The following DHX38 variants were observed in gnomAD, a reference collection of about 807,000 sequenced individuals.
The protein encoded by DHX38 is pre-mRNA-splicing factor ATP-dependent RNA helicase PRP16.
A neutral mutation model predicts 153.1 loss-of-function variants in DHX38; 100 were observed. The ratio of observed to expected loss-of-function variants is 0.65; its 90% CI spans 0.56 to 0.77. The LOEUF is 0.77. Among genes scored for constraint, DHX38 ranks in the 30% least tolerant of loss-of-function variants. The pLI is 0.00. For missense variants in DHX38, 1,440 were observed against 1,654.0 expected (o/e 0.87, Z 2.24); for synonymous variants, 650 against 631.7 (o/e 1.03, Z -0.43).
chr16:72,105,425 A>G (rs2042161450), intron 17 of DHX38, 77 bp downstream of exon 17: 1 of 1,596,820 alleles, frequency 6.3e-7, no homozygotes. Flanking sequence ...CTGTCCTGGC[A>G]GGGGGTGGGC....
chr16:72,106,022 T>C lies in DHX38; in HGVS notation c.2505T>C (p.Ile835=). The change falls in exon 19 of 27, where the codon ATT becomes ATC. Residue 835 remains isoleucine, a synonymous_variant. Transcript: ENST00000268482. ...CCTCCTAGGTCTTCAACCCCAGGAT[T>C]GGCATGGATGCTCTGCAGATCTATC... is the stretch of plus-strand genomic sequence containing the variant. ...YCKLKVFNPR[I]GMDALQIYPI... The C allele has an allele frequency of 6.2e-7, 1 of 1,614,170 alleles. No homozygotes were observed. Among genetic ancestry groups the C allele is most frequent in the Non-Finnish European group, 8.5e-7 (1 of 1,180,002 alleles).
At position 72,107,340 on chromosome 16, in the gene DHX38, G is replaced by T. The variant is rs1451765889; in HGVS notation, c.2601G>T (p.Arg867Ser). Residue 867 changes from arginine (R) to serine (S), a missense_variant and splice_region_variant, in exon 20 of 27, where the codon AGG (arginine) becomes AGT (serine). By Grantham distance (110) the Arg-to-Ser change is moderately radical. Around this residue, in one of 6 missense-constraint regions of DHX38, gnomAD observed 543 missense variants for 717.9 expected, o/e 0.76. Coordinates refer to ENST00000268482, the MANE Select transcript of DHX38 (RefSeq NM_014003.4). The surrounding 1 kb of genome is among the most constrained non-coding windows in gnomAD (Gnocchi z 5.3). ...AGRTGPGQCF[R>S]LYTQSAYKNE... ...GAAGATGGGGTCTTCTCCCCGGCAG[G>T]CTCTACACCCAGAGCGCCTACAAGA... The T allele has an allele frequency of 1.2e-6, 2 of 1,606,486 alleles. No individual in the cohort carries two copies. The highest frequency in any genetic ancestry group is 8.5e-7 in the Non-Finnish European group (1 of 1,179,258).
chr16:72,099,133 C>T (rs1384734782), intron 6 of DHX38, 71 bp from the exon 7 acceptor site: 2 of 1,595,410 alleles, frequency 1.3e-6, no homozygotes, highest in Non-Finnish European at 8.5e-7. Context: ...GCTGCATGGC[C>T]CTGCAGATCT....
At chr16:72,100,136 G>A (rs1389454420) in intron 8 of DHX38, among the ~76,000 whole-genome samples, 2 of 152,152 alleles carry the variant, frequency 1.3e-5, no homozygotes. Context: ...AGGTGCATTG[G>A]GACCTGCCTC....
In DHX38 at chr16:72,103,785, G is replaced by A. The variant is rs759813069; in HGVS notation, c.1821G>A (p.Glu607=). ...VSEEMGGNLG[E]EVGYAIRFED... ...AAGAGATGGGGGGAAACCTTGGCGAGGAGGTGAGTGGGCGTGGGGGCTGAG... is the reference window on the plus strand; with the variant it reads ...AAGAGATGGGGGGAAACCTTGGCGAAGAGGTGAGTGGGCGTGGGGGCTGAG... The change falls in exon 13 of 27, where the codon GAG becomes GAA. Residue 607 remains glutamate (E), a synonymous_variant. Transcript: ENST00000268482. The A allele has an allele frequency of 6.2e-7, 1 of 1,609,326 alleles. No homozygotes were observed. The highest frequency in any genetic ancestry group is 8.5e-7 in the Non-Finnish European group (1 of 1,175,870).
Position 72,104,066 on chromosome 16 carries a change from A to G in DHX38, c.1945A>G (p.Ile649Val), listed in dbSNP as rs760133863. 6.8e-6 allele frequency: 11 copies of G among 1,614,150 alleles called. No individual in the cohort carries two copies. The highest frequency in any genetic ancestry group is 4.4e-5 in the South Asian group (4 of 91,074). ...READLDHYSA[I>V]IMDEAHERSL... is the part of the protein sequence containing the mutation. ...AGCCGACCTGGATCACTACAGTGCC[A>G]TCATCATGGACGAGGCCCACGAGCG... The change falls in exon 14 of 27, where the codon ATC becomes GTC. Residue 649 changes from isoleucine (I) to valine (V), a missense_variant. By Grantham distance (29) the Ile-to-Val change is conservative (BLOSUM62 3). Transcript: ENST00000268482. The surrounding 1 kb of genome is among the most constrained non-coding windows in gnomAD (Gnocchi z 4.5).
chr16:72,108,897 T>C lies in DHX38; in HGVS notation c.3353T>C (p.Val1118Ala), dbSNP rs2042220603. The C allele has an allele frequency of 6.2e-7, 1 of 1,611,842 alleles. No individual in the cohort carries two copies. ...ATGGGCTACACCCCAGATTACATAG[T>C]GTATCACGAGTTGGTCATGACCACC... ...FGMGYTPDYI[V>A]YHELVMTTKE... Residue 1118 changes from valine to alanine, a missense_variant, in exon 24 of 27, where the codon GTG (valine) becomes GCG (alanine). Val to Ala is a moderately conservative substitution (Grantham distance 64, BLOSUM62 0). Coordinates refer to ENST00000268482, the MANE Select transcript of DHX38 (RefSeq NM_014003.4).
chr16:72,094,818 C>G (rs1228414869), intron 1 of DHX38, among the ~76,000 whole-genome samples: 1 of 152,218 alleles, frequency 6.6e-6, no homozygotes, highest in African/African-American at 2.4e-5. Flanking sequence ...CTACAGCAGT[C>G]AACAACACAT....
At chr16:72,101,362 T>TG (rs1441740408) in intron 10 of DHX38, 138 bp from the exon 11 acceptor site, 1 of 1,144,884 alleles carries the variant, frequency 8.7e-7, no homozygotes, top group Non-Finnish European at 1.2e-6. Context: ...GCTTGAGGAT[T>TG]GGAATGTGGC....
chr16:72,101,600 A>G lies in DHX38; in HGVS notation c.1487A>G (p.Lys496Arg). The change falls in exon 11 of 27, where the codon AAG (lysine) becomes AGG (arginine). Residue 496 changes from lysine (K) to arginine (R), a missense_variant. By Grantham distance (26) the Lys-to-Arg change is conservative (BLOSUM62 2). Around this residue, in one of 6 missense-constraint regions of DHX38, gnomAD observed 241 missense variants for 229.5 expected, o/e 1.05. Transcript: ENST00000268482. ...EPDKAVTEDG[K>R]VDYRTEQKFA... Reference sequence around the variant, plus strand: ...GATAAAGCTGTGACGGAGGATGGGAAGGTGGACTACAGGTGGGCAGCCTCA... The same window carrying G: ...GATAAAGCTGTGACGGAGGATGGGAGGGTGGACTACAGGTGGGCAGCCTCA... 1 of 1,551,698 alleles carries G rather than the reference A, an allele frequency of 6.4e-7. No individual in the cohort carries two copies. The highest frequency in any genetic ancestry group is 8.7e-7 in the Non-Finnish European group (1 of 1,147,020).
At chr16:72,109,572 T>C (rs2042231464) in intron 25 of DHX38, 62 bp downstream of exon 25, 2 of 1,503,378 alleles carry the variant, frequency 1.3e-6, no homozygotes, top group Middle Eastern at 1.7e-4. Context: ...TTCCCTCCGC[T>C]TGGTATTGAA....
At position 72,109,444 on chromosome 16, in the gene DHX38, C is replaced by T. The variant is rs777025894; in HGVS notation, c.3411C>T (p.Asp1137=). The change falls in exon 25 of 27, where the codon GAC becomes GAT. Residue 1137 remains aspartate (D), a synonymous_variant. Coordinates refer to ENST00000268482, the MANE Select transcript of DHX38 (RefSeq NM_014003.4). ...KEYMQCVTAV[D]GEWLAELGPM... is the part of the protein sequence containing the mutation. ...ATATGCAGTGTGTGACCGCTGTGGA[C>T]GGGGAGTGGCTGGCGGAGCTGGGCC... is the stretch of plus-strand genomic sequence containing the variant. 5.0e-5 allele frequency: 80 copies of T among 1,613,158 alleles called. No individual in the cohort carries two copies. Among genetic ancestry groups the T allele is most frequent in the South Asian group, 1.2e-4 (11 of 90,984 alleles).
rs2042019024 is a variant in DHX38 at position 72,096,398 on chromosome 16, G to A, written c.241G>A (p.Asp81Asn). Residue 81 changes from aspartate (D) to asparagine (N), a missense_variant, in exon 2 of 27, where the codon GAC (aspartate) becomes AAC (asparagine). Coordinates refer to ENST00000268482, the MANE Select transcript of DHX38 (RefSeq NM_014003.4). ...KKKSKVSSYK[D>N]WEESKDDQKD... The stretch of plus-strand genomic sequence containing the variant: ...GAAGTCCAAAGTCTCCTCCTACAAG[G>A]ACTGGGAAGAGAGCAAGGATGACCA... 6.2e-7 allele frequency: 1 copy of A among 1,614,134 alleles called. No individual in the cohort carries two copies. Among genetic ancestry groups the A allele is most frequent in the Non-Finnish European group, 8.5e-7 (1 of 1,180,026 alleles).
chr16:72,106,859 A>G (rs1479740518), intron 19 of DHX38, among the ~76,000 whole-genome samples: 1 of 152,216 alleles, frequency 6.6e-6, no homozygotes. Context: ...TTCTAGTCCC[A>G]GGCCCATTGG....
In DHX38 at chr16:72,112,739, G is replaced by A. The variant is rs8257; in HGVS notation, c.*242G>A. The stretch of plus-strand genomic sequence containing the variant: ...ATCCGAGGTGCTGCCGGGGCAGCGG[G>A]AGGTGGCTGGACCCATCGCATCTAA... On this transcript the variant is annotated 3_prime_UTR_variant, in exon 27 of 27. Transcript: ENST00000268482. The A allele has an allele frequency of 0.032, 22,875 of 704,128 alleles. 506 individuals carry two copies. The highest frequency in any genetic ancestry group is 0.045 in the Middle Eastern group (196 of 4,366). 43.6% of individuals were successfully genotyped at this position (704,128 alleles called of 1,614,324 possible).
At chr16:72,101,749 C>T (rs960387673) in intron 11 of DHX38, 137 bp downstream of exon 11, 11 of 656,104 alleles carry the variant, frequency 1.7e-5, no homozygotes, top group South Asian at 1.7e-4. Flanking sequence ...CTTCCATTCT[C>T]TCTGGTCCCT....
In DHX38 at chr16:72,096,304, C is replaced by G. The variant is rs1050361; in HGVS notation, c.147C>G (p.Leu49=). ...CTCCTGCTCCCCGCCCTTCATTACT[C>G]GGACTGGACTTGCTGGCTTCCCTGA... ...FKAPAPRPSL[L]GLDLLASLKR... Residue 49 remains leucine (L), a synonymous_variant, in exon 2 of 27, where the codon CTC becomes CTG. Transcript: ENST00000268482. 0.43 allele frequency: 687,001 copies of G among 1,613,918 alleles called. 152,145 individuals are homozygous for G. The highest frequency in any genetic ancestry group is 0.75 in the African/African-American group (56,036 of 74,984).
At chr16:72,099,399 C>T in intron 7 of DHX38, 119 bp downstream of exon 7, 1 of 926,176 alleles carries the variant, frequency 1.1e-6, no homozygotes, top group South Asian at 1.8e-5. Context: ...GACCCAATGC[C>T]CTGGAGTCTC....
Position 72,099,292 on chromosome 16 carries a change from T to A in DHX38, c.960+12T>A. ...AAGATGACCAGAGGGTAAAGTTTTA[T>A]ACCTCTGAGGGGCTGATCGGGGCTG... is the stretch of plus-strand genomic sequence containing the variant. On this transcript the variant is annotated intron_variant, in intron 7 of 26. Coordinates refer to ENST00000268482, the MANE Select transcript of DHX38 (RefSeq NM_014003.4). The A allele has an allele frequency of 6.2e-7, 1 of 1,601,272 alleles. No homozygotes were observed. Among genetic ancestry groups the A allele is most frequent in the Non-Finnish European group, 8.5e-7 (1 of 1,173,734 alleles).
Sources: gnomAD v4.1 joint callset for allele counts (sites outside exome capture counted in the v4.1 genomes callset) on GRCh38, gnomAD v4.1.1 for gene constraint, gnomAD v4.1.1 regional missense constraint, Gnocchi (gnomAD v3.1) non-coding constraint, MANE v1.5 for transcripts, NCBI Gene and HGNC (gene_info 2026-07-23, HGNC 2026-07-21) for gene names.